PDCL2: variants seen among roughly 807,000 people sequenced by gnomAD.
PDCL2 encodes phosducin like 2.
A neutral mutation model predicts 30.3 loss-of-function variants in PDCL2; 23 were observed. That is an observed-to-expected ratio of 0.76 (90% CI 0.55 to 1.08). The LOEUF is 1.08. Ranked by LOEUF, PDCL2 falls within the 50% of genes least tolerant of loss-of-function variation. The pLI is 0.00. For synonymous variants in PDCL2, 68 were observed against 86.2 expected (o/e 0.79, Z 1.17); for missense variants, 243 against 282.3 (o/e 0.86, Z 1.00).
At chr4:55,580,745 A>G (rs778294443) in intron 3 of PDCL2, 76 bp downstream of exon 3, 132 of 1,062,690 alleles carry the variant, frequency 1.2e-4, no homozygotes, top group Non-Finnish European at 1.6e-4. Context: ...TCTATGTGAC[A>G]AGACAAATCT....
chr4:55,561,296 TCACGTCC>T (rs1732126850), intron 5 of PDCL2, among the ~76,000 whole-genome samples: 3 of 152,094 alleles, frequency 2.0e-5, no homozygotes, highest in Non-Finnish European at 4.4e-5. Flanking sequence ...GGGCAGAGGC[TCACGTCC>T]GTAATCCCAT....
chr4:55,566,005 G>A lies in PDCL2; in HGVS notation c.363-3393C>T, dbSNP rs1457132914. The stretch of plus-strand genomic sequence containing the variant: ...TTTTTTTTTTTTTTTTTTTGAGATG[G>A]AGTCCTGCTCTGTTGCCCAGGCTAG... On this transcript the variant is annotated intron_variant, in intron 4 of 5. Transcript: ENST00000295645. Among the ~76,000 whole-genome samples, 8 of 116,946 alleles carry A rather than the reference G, an allele frequency of 6.8e-5. No homozygotes were observed. In the East Asian group the frequency reaches 1.1e-3, roughly 17 times the overall value. The allele number at this position is 116,946 out of a possible 152,430, so 76.7% of individuals were successfully genotyped here. A position where few individuals can be genotyped will look rare whatever the true frequency, so the allele number is the denominator to read the frequency against.
At chr4:55,558,688 T>C (rs1361240753) in intron 5 of PDCL2, among the ~76,000 whole-genome samples, 2 of 152,162 alleles carry the variant, frequency 1.3e-5, no homozygotes, top group African/African-American at 4.8e-5. Flanking sequence ...GGAGAATATA[T>C]TTTTCACCTT....
At chr4:55,572,452 G>T (rs1377886934) in intron 3 of PDCL2, among the ~76,000 whole-genome samples, 3 of 152,148 alleles carry the variant, frequency 2.0e-5, no homozygotes, top group African/African-American at 7.2e-5. Context: ...AAACTATTCT[G>T]AGAATCAGAA....
intron 1 of PDCL2, among the ~76,000 whole-genome samples, chr4:55,583,244 T>A (rs1211142265): frequency 1.3e-5 from 2 of 152,166 alleles, no homozygotes; most frequent in African/African-American, 4.8e-5. Context: ...GCTGGGATTA[T>A]CTTTGCTAAT....
chr4:55,573,242 T>C (rs1247260157), intron 3 of PDCL2, among the ~76,000 whole-genome samples: 1 of 152,254 alleles, frequency 6.6e-6, no homozygotes, highest in Non-Finnish European at 1.5e-5. Flanking sequence ...TTTAGTATTA[T>C]ATGCCACAAA....
At chr4:55,583,679 T>A (rs1437442473) in intron 1 of PDCL2, among the ~76,000 whole-genome samples, 1 of 152,186 alleles carries the variant, frequency 6.6e-6, no homozygotes, top group East Asian at 1.9e-4. Flanking sequence ...AGACTGTCCT[T>A]TTCCCCATTG....
chr4:55,574,865 G>A (rs184955927), intron 3 of PDCL2, among the ~76,000 whole-genome samples: 1 of 152,248 alleles, frequency 6.6e-6, no homozygotes, highest in East Asian at 1.9e-4. Flanking sequence ...TGAGGTTATT[G>A]TGAATAATGT....
intron 3 of PDCL2, among the ~76,000 whole-genome samples, chr4:55,574,826 G>A (rs1223647815): frequency 6.6e-6 from 1 of 152,134 alleles, no homozygotes; most frequent in East Asian, 1.9e-4. Flanking sequence ...CCACTGTATA[G>A]ACTGATGACA....
chr4:55,587,221 A>G (rs1732885698), intron 1 of PDCL2, among the ~76,000 whole-genome samples: 1 of 59,840 alleles, frequency 1.7e-5, no homozygotes. Flanking sequence ...AATAGTAAAA[A>G]AAAAAAAAAA....
At chr4:55,566,572 G>A (rs6822752) in intron 4 of PDCL2, among the ~76,000 whole-genome samples, 1 of 147,692 alleles carries the variant, frequency 6.8e-6, no homozygotes, top group Non-Finnish European at 1.5e-5. Flanking sequence ...ACAGGCATGC[G>A]CCACCAAGCC....
intron 3 of PDCL2, among the ~76,000 whole-genome samples, chr4:55,577,460 C>T (rs1386438867): frequency 6.6e-6 from 1 of 152,194 alleles, no homozygotes; most frequent in African/African-American, 2.4e-5. Context: ...CTCCCCTCTC[C>T]AGAGAGCAGG....
At chr4:55,557,992 G>C (rs1329753008) in intron 5 of PDCL2, among the ~76,000 whole-genome samples, 1 of 150,590 alleles carries the variant, frequency 6.6e-6, no homozygotes, top group African/African-American at 2.4e-5. Flanking sequence ...GTGGTGGCAG[G>C]CACCTGTAAT....
intron 4 of PDCL2, among the ~76,000 whole-genome samples, chr4:55,565,321 A>G (rs1732232242): frequency 6.6e-6 from 1 of 152,178 alleles, no homozygotes; most frequent in South Asian, 2.1e-4. Context: ...TCATGCTGCT[A>G]ATAAAGACAT....
At chr4:55,559,946 TAAA>T (rs950847509) in intron 5 of PDCL2, among the ~76,000 whole-genome samples, 2 of 152,108 alleles carry the variant, frequency 1.3e-5, no homozygotes, top group African/African-American at 4.8e-5. Flanking sequence ...AGACAGAATC[TAAA>T]AAGGTGATTG....
At chr4:55,588,864 A>C in intron 1 of PDCL2, among the ~76,000 whole-genome samples, 1 of 91,806 alleles carries the variant, frequency 1.1e-5, no homozygotes, top group East Asian at 4.2e-4. Context: ...ATTTATAAGT[A>C]CTTTTTTTTT....
At chr4:55,568,116 A>T (rs544877616) in intron 4 of PDCL2, among the ~76,000 whole-genome samples, 2 of 152,216 alleles carry the variant, frequency 1.3e-5, no homozygotes. Flanking sequence ...ATTGCTCTGT[A>T]TATAATTTCC....
In PDCL2 at chr4:55,556,632, C is replaced by T. The variant is rs148792237; in HGVS notation, c.651G>A (p.Met217Ile). The T allele has an allele frequency of 1.3e-3, 2,050 of 1,572,242 alleles. 24 individuals are homozygous for T. The African/African-American group carries it at 0.022, about 17-fold the overall frequency. Residue 217 changes from methionine to isoleucine, a missense_variant, in exon 6 of 6, where the codon ATG becomes ATA. Transcript: ENST00000295645. Reference protein sequence around the residue: ...EENPRKDMVDMMVSSIRNTSI... With the variant: ...EENPRKDMVDIMVSSIRNTSI... ...AAGTGTTTCTAATTGAAGATACCAT[C>T]ATATCTACCATGTCTTTTCTGGGGT...
chr4:55,569,740 T>A lies in PDCL2; in HGVS notation c.340A>T (p.Ile114Leu). 1 of 1,558,052 alleles carries A rather than the reference T, an allele frequency of 6.4e-7. No homozygotes were observed. The highest frequency in any genetic ancestry group is 8.7e-7 in the Non-Finnish European group (1 of 1,150,346). ...TACCTTGATCTGTATAGATGAATTA[T>A]AACCCACACATCTTCTTCTGCATTT... ...VTNAEEDVWVIIHLYRSSIPM... is the reference protein window; with the variant it reads ...VTNAEEDVWVLIHLYRSSIPM... The change falls in exon 4 of 6, where the codon ATA (isoleucine) becomes TTA (leucine). Residue 114 changes from isoleucine (I) to leucine (L), a missense_variant. Transcript: ENST00000295645.
Sources: allele counts gnomAD v4.1 joint callset (sites outside exome capture counted in the v4.1 genomes callset), GRCh38; gene constraint gnomAD v4.1.1; transcripts MANE v1.5; gene names NCBI Gene and HGNC (gene_info 2026-07-23, HGNC 2026-07-21).